LRGUK: variants seen among roughly 807,000 people sequenced by gnomAD.
LRGUK encodes leucine rich repeats and guanylate kinase domain containing, also known as leucine-rich repeat and guanylate kinase domain-containing protein.
In LRGUK, 65 loss-of-function variants were observed where a neutral mutation model predicts 76.0. The observed-to-expected ratio is 0.85, with a 90% CI of 0.70 to 1.05. LRGUK has a LOEUF of 1.05. LRGUK is among the 50% of genes least tolerant of loss of function. The probability of loss-of-function intolerance (pLI) is 0.00; values close to 1 mark genes in which losing one functional copy is unlikely to be tolerated. For missense variants in LRGUK, 758 were observed against 732.8 expected (o/e 1.03, Z -0.40); for synonymous variants, 268 against 265.6 (o/e 1.01, Z -0.09).
intron 15 of LRGUK, among the ~76,000 whole-genome samples, chr7:134,202,594 A>G (rs1800820084): frequency 1.3e-5 from 2 of 152,230 alleles, no homozygotes; most frequent in Non-Finnish European, 2.9e-5. Flanking sequence ...AACCCATAAA[A>G]TAGAATTTTA....
At chr7:134,137,689 T>C (rs1797593772) in intron 2 of LRGUK, among the ~76,000 whole-genome samples, 1 of 152,204 alleles carries the variant, frequency 6.6e-6, no homozygotes, top group African/African-American at 2.4e-5. Flanking sequence ...GGCTTCAATT[T>C]TATCAAAAGA....
At chr7:134,181,392 GC>G (rs1799739490) in intron 10 of LRGUK, among the ~76,000 whole-genome samples, 1 of 150,160 alleles carries the variant, frequency 6.7e-6, no homozygotes, top group Non-Finnish European at 1.5e-5. Context: ...TATGTAATGT[GC>G]TTTTTTTTTT....
At chr7:134,169,133 GACACACACACACACACACAC>G (rs36204942) in intron 7 of LRGUK, among the ~76,000 whole-genome samples, 36,670 of 135,408 alleles carry the variant, frequency 0.27, 5,663 homozygotes, top group Middle Eastern at 0.41. Context: ...AAGGGAAGAA[GACACACACACACACACACAC>G]ACACACACAC....
downstream of LRGUK, among the ~76,000 whole-genome samples, chr7:134,269,284 G>C (rs1246801718): frequency 6.7e-6 from 1 of 150,134 alleles, no homozygotes; most frequent in Non-Finnish European, 1.5e-5. Context: ...TAACCTTTCT[G>C]TTGTTAATTT....
chr7:134,235,283 T>G (rs1390043177), intron 16 of LRGUK, among the ~76,000 whole-genome samples: 1 of 152,150 alleles, frequency 6.6e-6, no homozygotes, highest in Non-Finnish European at 1.5e-5. Flanking sequence ...CTACCTCAGC[T>G]CCACTGACAC....
chr7:134,255,379 C>T (rs1454527377), intron 18 of LRGUK, among the ~76,000 whole-genome samples: 2 of 152,158 alleles, frequency 1.3e-5, no homozygotes, highest in Non-Finnish European at 2.9e-5. Flanking sequence ...TATCAAGTCT[C>T]AGAGCTGAGG....
At chr7:134,197,911 A>C (rs1800574003) in intron 13 of LRGUK, among the ~76,000 whole-genome samples, 1 of 152,220 alleles carries the variant, frequency 6.6e-6, no homozygotes, top group Admixed American at 6.5e-5. Flanking sequence ...CACTTTTGGA[A>C]TTAAAAAAAA....
chr7:134,166,731 CA>C lies in LRGUK; in HGVS notation c.939+3192del, dbSNP rs1799002837. Among the ~76,000 whole-genome samples, 5 of 152,226 alleles carry C rather than the reference CA, an allele frequency of 3.3e-5. No homozygotes were observed. The South Asian group carries it at 1.0e-3, about 32-fold the overall frequency. On this transcript the variant is annotated intron_variant, in intron 7 of 15. Coordinates refer to ENST00000645682, the Ensembl canonical transcript of LRGUK. Reference sequence around the variant, plus strand: ...GACGGAGACAATGGCAGCTGAAGACCATTATTCCACTCAATTTTTGTGCTGC... The same window carrying C: ...GACGGAGACAATGGCAGCTGAAGACCTTATTCCACTCAATTTTTGTGCTGC...
rs150449620 is a variant in LRGUK at position 134,203,302 on chromosome 7, C to G, written c.1843+1726C>G. Among the ~76,000 whole-genome samples, 1,058 of 152,252 alleles carry G rather than the reference C, an allele frequency of 6.9e-3. 13 individuals carry two copies. Among genetic ancestry groups the G allele is most frequent in the African/African-American group, 0.019 (788 of 41,554 alleles). On this transcript the variant is annotated intron_variant, in intron 15 of 15. Transcript: ENST00000645682. ...CTTGATGGACTGAACCCCATTCACA[C>G]ACTGCATATTGTGAAATGTTAACCT... is the stretch of plus-strand genomic sequence containing the variant.
At chr7:134,157,447 A>G (rs914249045) in intron 5 of LRGUK, among the ~76,000 whole-genome samples, 1 of 152,264 alleles carries the variant, frequency 6.6e-6, no homozygotes, top group African/African-American at 2.4e-5. Context: ...ACACACTGCC[A>G]ATGAGGCAGC....
At chr7:134,218,306 T>TA (rs1801490140) in intron 15 of LRGUK, among the ~76,000 whole-genome samples, 1 of 152,230 alleles carries the variant, frequency 6.6e-6, no homozygotes, top group Middle Eastern at 3.2e-3. Flanking sequence ...GACTTTTATT[T>TA]AAAAATTAAA....
At chr7:134,133,822 G>A (rs935504980) in intron 1 of LRGUK, among the ~76,000 whole-genome samples, 2 of 152,190 alleles carry the variant, frequency 1.3e-5, no homozygotes, top group Non-Finnish European at 2.9e-5. Context: ...CACTTTGGGA[G>A]GCGGAAGTGG....
At chr7:134,129,754 C>T (rs755917010) in intron 1 of LRGUK, among the ~76,000 whole-genome samples, 8 of 151,938 alleles carry the variant, frequency 5.3e-5, no homozygotes, top group Non-Finnish European at 1.0e-4. Flanking sequence ...GTGTTACAGG[C>T]ATGAGCCACT....
At chr7:134,134,477 A>G (rs1797443348) in intron 1 of LRGUK, among the ~76,000 whole-genome samples, 1 of 152,232 alleles carries the variant, frequency 6.6e-6, no homozygotes, top group South Asian at 2.1e-4. Flanking sequence ...GAGAGACATG[A>G]TACTGCCAAA....
At chr7:134,241,072 C>A (rs907778091) in intron 16 of LRGUK, among the ~76,000 whole-genome samples, 6 of 152,162 alleles carry the variant, frequency 3.9e-5, no homozygotes, top group Non-Finnish European at 8.8e-5. Flanking sequence ...TGGAAAGGAA[C>A]AACCAGTACC....
At chr7:134,250,940 C>T (rs1400734717) in intron 18 of LRGUK, among the ~76,000 whole-genome samples, 1 of 152,222 alleles carries the variant, frequency 6.6e-6, no homozygotes, top group Non-Finnish European at 1.5e-5. Flanking sequence ...AACTCCACCA[C>T]ATTCTTTCTT....
chr7:134,247,585 G>T, exon 17 of LRGUK: 1 of 1,613,776 alleles, frequency 6.2e-7, no homozygotes, highest in Non-Finnish European at 8.5e-7. Flanking sequence ...GACAGCACGA[G>T]GCAGCCCGGC....
chr7:134,272,546 C>A, the LRGUK span, among the ~76,000 whole-genome samples: 1 of 152,066 alleles, frequency 6.6e-6, no homozygotes, highest in Non-Finnish European at 1.5e-5. Flanking sequence ...TATAATCAGA[C>A]AAAGTAGAAG....
chr7:134,244,976 C>G (rs1473231316), intron 16 of LRGUK, among the ~76,000 whole-genome samples: 1 of 149,690 alleles, frequency 6.7e-6, no homozygotes, highest in Non-Finnish European at 1.5e-5. Flanking sequence ...ACCACATGTT[C>G]TCACTCATAG....
Sources: gnomAD v4.1 joint callset for allele counts (sites outside exome capture counted in the v4.1 genomes callset) on GRCh38, gnomAD v4.1.1 for gene constraint, MANE v1.5 for transcripts, NCBI Gene and HGNC (gene_info 2026-07-23, HGNC 2026-07-21) for gene names.